Variants in CAPZA1 observed in about 807,000 individuals in gnomAD.
CAPZA1 encodes the protein capping actin protein of muscle Z-line subunit alpha 1, also known as F-actin-capping protein subunit alpha-1.
Under a neutral mutation model 40.8 loss-of-function variants are expected in CAPZA1, and 10 were observed. The ratio of observed to expected loss-of-function variants is 0.25; its 90% CI spans 0.15 to 0.42. The LOEUF is 0.42. Among genes scored for constraint, CAPZA1 ranks in the 10% least tolerant of loss-of-function variants. The pLI, the probability that CAPZA1 is intolerant of heterozygous loss-of-function variation, is 1.00. For synonymous variants in CAPZA1, 98 were observed against 115.0 expected (o/e 0.85, Z 0.95); for missense variants, 277 against 353.8 (o/e 0.78, Z 1.74).
At position 112,654,250 on chromosome 1, in the gene CAPZA1, T is replaced by C. The variant is rs571392725; in HGVS notation, c.220-215T>C. Among the ~76,000 whole-genome samples the C allele has an allele frequency of 5.9e-5, 9 of 152,258 alleles. No homozygotes were observed. The East Asian group carries it at 1.5e-3, about 26-fold the overall frequency. On this transcript the variant is annotated intron_variant, in intron 4 of 9. Transcript: ENST00000263168. ...TATATATTAGAAACCAAGAAATGAA[T>C]ATTATTAGTATGGGGGATATTTTGT...
At chr1:112,638,455 C>T (rs1181798779) in intron 1 of CAPZA1, among the ~76,000 whole-genome samples, 1 of 152,076 alleles carries the variant, frequency 6.6e-6, no homozygotes, top group Non-Finnish European at 1.5e-5. Flanking sequence ...GCTGGGATTA[C>T]AGGTGCCCAC....
intron 5 of CAPZA1, among the ~76,000 whole-genome samples, chr1:112,656,902 T>A (rs1480051449): frequency 8.1e-6 from 1 of 124,068 alleles, no homozygotes. Context: ...CTGACAGAAA[T>A]TTTTTTTTTT....
In CAPZA1 at chr1:112,619,896, CCTCT is replaced by C. The variant is rs761047652; in HGVS notation, c.39+20_39+23del. 5.6e-6 allele frequency: 9 copies of C among 1,604,414 alleles called. No homozygotes were observed. Among genetic ancestry groups the C allele is most frequent in the South Asian group, 1.1e-5 (1 of 89,638 alleles). ...GGATGAGGAGAAGGTAAGGGGTCCG[CCTCT>C]CTCTCTTACCTCCTCCCCCGACAGG... On this transcript the variant is annotated intron_variant, in intron 1 of 9. Transcript: ENST00000263168.
intron 3 of CAPZA1, among the ~76,000 whole-genome samples, chr1:112,652,852 A>T (rs1671421751): frequency 6.6e-6 from 1 of 152,350 alleles, no homozygotes; most frequent in South Asian, 2.1e-4. Flanking sequence ...GCCATTAAAA[A>T]TGCAGAATTT....
chr1:112,642,320 TCTC>T (rs1671186904), intron 1 of CAPZA1, among the ~76,000 whole-genome samples: 1 of 148,324 alleles, frequency 6.7e-6, no homozygotes, highest in African/African-American at 2.5e-5. Context: ...TTCAAGCAAT[TCTC>T]CTGCCTCAGC....
At chr1:112,641,225 A>AT (rs1234133496) in intron 1 of CAPZA1, among the ~76,000 whole-genome samples, 40 of 138,860 alleles carry the variant, frequency 2.9e-4, no homozygotes, top group Admixed American at 5.2e-4. Flanking sequence ...CAATAAAAAA[A>AT]AAAATAAATA....
chr1:112,641,968 G>A (rs1671176043), intron 1 of CAPZA1, among the ~76,000 whole-genome samples: 1 of 145,644 alleles, frequency 6.9e-6, no homozygotes, highest in Non-Finnish European at 1.5e-5. Flanking sequence ...ATTTAACATA[G>A]TTATTTGTTG....
chr1:112,654,467 C>A lies in CAPZA1; in HGVS notation c.222C>A (p.Val74=). The A allele has an allele frequency of 6.2e-7, 1 of 1,606,676 alleles. No individual in the cohort carries two copies. The highest frequency in any genetic ancestry group is 8.5e-7 in the Non-Finnish European group (1 of 1,174,738). ...TATGTTTAATGATTCTTTGGAAGGT[C>A]TTAATTACAGAGCACGGTGACCTGG... ...PVKIEGYEDQ[V]LITEHGDLGN... The change falls in exon 5 of 10, where the codon GTC becomes GTA. Residue 74 remains valine, a splice_region_variant and synonymous_variant. Transcript: ENST00000263168.
At chr1:112,645,825 GT>G (rs1671269755) in intron 1 of CAPZA1, among the ~76,000 whole-genome samples, 1 of 151,696 alleles carries the variant, frequency 6.6e-6, no homozygotes, top group Non-Finnish European at 1.5e-5. Flanking sequence ...TGCTGGGCCT[GT>G]TGATGAGTGC....
intron 7 of CAPZA1, among the ~76,000 whole-genome samples, chr1:112,662,083 A>G (rs1671623211): frequency 6.6e-6 from 1 of 152,178 alleles, no homozygotes; most frequent in Non-Finnish European, 1.5e-5. Flanking sequence ...AGACCTAGAA[A>G]AGGTCTTAGA....
At chr1:112,637,064 A>G (rs777101624) in intron 1 of CAPZA1, among the ~76,000 whole-genome samples, 4 of 152,258 alleles carry the variant, frequency 2.6e-5, no homozygotes, top group Non-Finnish European at 5.9e-5. Flanking sequence ...GTAATCCTCC[A>G]GACTTATACT....
At chr1:112,639,781 G>C (rs1303475424) in intron 1 of CAPZA1, among the ~76,000 whole-genome samples, 1 of 151,518 alleles carries the variant, frequency 6.6e-6, no homozygotes, top group African/African-American at 2.4e-5. Flanking sequence ...CGTCCGGGAG[G>C]TGAGGGGCGC....
chr1:112,636,781 A>T (rs1004127657), intron 1 of CAPZA1, among the ~76,000 whole-genome samples: 5 of 152,146 alleles, frequency 3.3e-5, no homozygotes, highest in Non-Finnish European at 5.9e-5. Flanking sequence ...ATCACTGTTA[A>T]TGAAAATGTC....
At chr1:112,648,232 G>A (rs540006435) in intron 2 of CAPZA1, among the ~76,000 whole-genome samples, 1 of 151,598 alleles carries the variant, frequency 6.6e-6, no homozygotes, top group African/African-American at 2.4e-5. Context: ...AAAATTGTTT[G>A]TGGATTTTGA....
rs35100851 is a variant in CAPZA1 at position 112,662,395 on chromosome 1, C to CTTT, written c.585+2635_585+2637dup. ...GAAATTAATATTTTTTAGAATTTTT[C>CTTT]TTTTTTTTTTTTTTTTTTTTTGAGA... On this transcript the variant is annotated intron_variant, in intron 7 of 9. Coordinates refer to ENST00000263168, the MANE Select transcript of CAPZA1 (RefSeq NM_006135.3). Among the ~76,000 whole-genome samples, 965 of 97,232 alleles carry CTTT rather than the reference C, an allele frequency of 9.9e-3. 13 individuals carry two copies. Among genetic ancestry groups the CTTT allele is most frequent in the Non-Finnish European group, 0.013 (696 of 51,802 alleles). 63.8% of individuals were successfully genotyped at this position (97,232 alleles called of 152,430 possible).
intron 1 of CAPZA1, among the ~76,000 whole-genome samples, chr1:112,624,366 T>TGG (rs1343945266): frequency 1.3e-5 from 2 of 152,098 alleles, no homozygotes; most frequent in African/African-American, 4.8e-5. Context: ...CCCAGTACTT[T>TGG]GGGAGGCCAA....
In CAPZA1 at chr1:112,670,899, C is replaced by G. The variant is rs1557740247; in HGVS notation, c.*767C>G. Reference sequence around the variant, plus strand: ...TTACCCATTTATTTTTTTAAACATTCAAGAACTGCTGACGTACTGTGGATG... The same window carrying G: ...TTACCCATTTATTTTTTTAAACATTGAAGAACTGCTGACGTACTGTGGATG... On this transcript the variant is annotated 3_prime_UTR_variant, in exon 10 of 10. Transcript: ENST00000263168. The G allele has an allele frequency of 6.6e-6, 1 of 152,588 alleles. No homozygotes were observed. Among genetic ancestry groups the G allele is most frequent in the Admixed American group, 6.5e-5 (1 of 15,268 alleles). The allele number at this position is 152,588 out of a possible 1,614,324, so 9.5% of individuals were successfully genotyped here. A position where few individuals can be genotyped will look rare whatever the true frequency, so the allele number is the denominator to read the frequency against.
chr1:112,651,470 T>C (rs1236851972), intron 3 of CAPZA1, among the ~76,000 whole-genome samples: 1 of 152,100 alleles, frequency 6.6e-6, no homozygotes, highest in East Asian at 1.9e-4. Flanking sequence ...AGAAGTCAGA[T>C]TCTGAATATG....
At chr1:112,654,725 T>A in intron 5 of CAPZA1, 54 bp downstream of exon 5, 1 of 1,238,814 alleles carries the variant, frequency 8.1e-7, no homozygotes. Context: ...ATTTACCTTA[T>A]CCTTTGGAGG....
Sources: allele counts gnomAD v4.1 joint callset (sites outside exome capture counted in the v4.1 genomes callset), GRCh38; gene constraint gnomAD v4.1.1; transcripts MANE v1.5; gene names NCBI Gene and HGNC (gene_info 2026-07-23, HGNC 2026-07-21).